PKD2L2: variants seen among roughly 807,000 people sequenced by gnomAD.
PKD2L2 encodes the protein polycystin 2 like 2, transient receptor potential cation channel.
A neutral mutation model predicts 83.9 loss-of-function variants in PKD2L2; 67 were observed. The ratio of observed to expected loss-of-function variants is 0.80; its 90% CI spans 0.66 to 0.98. The LOEUF (loss-of-function observed/expected upper bound fraction) is 0.98, where lower values mean the gene tolerates loss of function less well. Among genes scored for constraint, PKD2L2 ranks in the 50% least tolerant of loss-of-function variants. The pLI, the probability that PKD2L2 is intolerant of heterozygous loss-of-function variation, is 0.00. For synonymous variants in PKD2L2, 223 were observed against 237.8 expected, an observed-to-expected ratio of 0.94 and a Z score of 0.57; for missense variants, 632 against 717.2, an observed-to-expected ratio of 0.88 and a Z score of 1.36.
rs189713760 is a variant in PKD2L2, at chr5:137,908,362, C to T, written c.1147-403C>T. ...CAGCATTTTGGGAGGCTGAGGTGGG[C>T]GGATCACCTGAGCTCAGGAGATTGA... On this transcript the variant is annotated intron_variant, in intron 7 of 14. Coordinates refer to ENST00000508883, the MANE Select transcript of PKD2L2 (RefSeq NM_001300921.2). Among the ~76,000 whole-genome samples the T allele has an allele frequency of 1.2e-3, 189 of 151,830 alleles. 4 individuals are homozygous for T. Among genetic ancestry groups the T allele is most frequent in the Middle Eastern group, 0.01 (3 of 294 alleles).
At chr5:137,900,298 A>C (rs1756843249) in intron 5 of PKD2L2, among the ~76,000 whole-genome samples, 2 of 152,166 alleles carry the variant, frequency 1.3e-5, no homozygotes, top group Admixed American at 6.5e-5. Context: ...TCTCTCCAGT[A>C]AATTGTGTAT....
chr5:137,890,551 C>G lies in PKD2L2; in HGVS notation c.102C>G (p.Leu34=), dbSNP rs1561670491. 1 of 1,540,884 alleles carries G rather than the reference C, an allele frequency of 6.5e-7. No individual in the cohort carries two copies. The highest frequency in any genetic ancestry group is 8.9e-7 in the Non-Finnish European group (1 of 1,126,586). ...CAACCACACTTCAGGAATTGTTACT[C>G]TACTTTATTTTTTTAATAAACCTAT... The part of the protein sequence containing the change: ...EITTTLQELL[L]YFIFLINLCI... Residue 34 remains leucine, a synonymous_variant, in exon 2 of 15, where the codon CTC becomes CTG. Transcript: ENST00000508883.
chr5:137,935,972 T>C, intron 13 of PKD2L2, 63 bp downstream of exon 13: 1 of 900,140 alleles, frequency 1.1e-6, no homozygotes, highest in Non-Finnish European at 1.8e-6. Flanking sequence ...AGGACATGAG[T>C]TAAACACATT....
chr5:137,923,924 GT>G (rs1759150089), intron 10 of PKD2L2, among the ~76,000 whole-genome samples: 2 of 152,026 alleles, frequency 1.3e-5, no homozygotes, highest in African/African-American at 4.8e-5. Context: ...TCATTTTCCT[GT>G]TTCTGTTCAT....
At chr5:137,893,256 A>C (rs1326992721) in intron 3 of PKD2L2, among the ~76,000 whole-genome samples, 1 of 152,150 alleles carries the variant, frequency 6.6e-6, no homozygotes, top group African/African-American at 2.4e-5. Context: ...TTTACTGTTT[A>C]TATGTGTTAC....
intron 2 of PKD2L2, among the ~76,000 whole-genome samples, chr5:137,891,275 G>A (rs1755957688): frequency 6.6e-6 from 1 of 152,140 alleles, no homozygotes; most frequent in Admixed American, 6.5e-5. Context: ...TGTTGTAGGG[G>A]TGAGTTTGAG....
intron 14 of PKD2L2, chr5:137,938,920 AC>A (rs1760888366): frequency 6.6e-6 from 1 of 152,162 alleles, no homozygotes; most frequent in African/African-American, 2.4e-5. Flanking sequence ...CCAAAAAAGC[AC>A]CAGAAAAAAA....
chr5:137,902,539 T>C (rs1757049868), intron 5 of PKD2L2, among the ~76,000 whole-genome samples: 1 of 152,188 alleles, frequency 6.6e-6, no homozygotes, highest in South Asian at 2.1e-4. Flanking sequence ...CTATGATTTT[T>C]TTTTAGTCTG....
At position 137,925,599 on chromosome 5, in the gene PKD2L2, T is replaced by C. The variant is rs1759314474; in HGVS notation, c.1617-276T>C. ...ACACAATACTTACGGACAATACTTA[T>C]ACTTACACTGTATTTACACTTGTAT... On this transcript the variant is annotated intron_variant, in intron 11 of 14. Coordinates refer to ENST00000508883, the MANE Select transcript of PKD2L2 (RefSeq NM_001300921.2). 2.0e-5 allele frequency among the ~76,000 whole-genome samples: 3 copies of C among 152,240 alleles called. No homozygotes were observed. The South Asian group carries it at 6.2e-4, about 31-fold the overall frequency.
At chr5:137,935,547 G>A (rs1445741151) in intron 12 of PKD2L2, among the ~76,000 whole-genome samples, 2 of 152,218 alleles carry the variant, frequency 1.3e-5, no homozygotes, top group East Asian at 3.8e-4. Flanking sequence ...GCAGTGAAAT[G>A]TAATTTATAA....
intron 5 of PKD2L2, among the ~76,000 whole-genome samples, chr5:137,905,970 T>C (rs1757329892): frequency 6.6e-6 from 1 of 152,188 alleles, no homozygotes; most frequent in Admixed American, 6.5e-5. Flanking sequence ...TGCTTTCTCA[T>C]TTACATTGGT....
intron 8 of PKD2L2, among the ~76,000 whole-genome samples, chr5:137,912,587 G>A (rs1580937024): frequency 5.3e-5 from 8 of 151,836 alleles, no homozygotes; most frequent in African/African-American, 9.7e-5. Flanking sequence ...GGCTGGTCTC[G>A]AACTCCTGAC....
chr5:137,916,500 G>A lies in PKD2L2; in HGVS notation c.1329-5136G>A, dbSNP rs772796709. 4.0e-3 allele frequency among the ~76,000 whole-genome samples: 353 copies of A among 88,008 alleles called. 2 individuals are homozygous for A. Among genetic ancestry groups the A allele is most frequent in the Non-Finnish European group, 6.2e-3 (282 of 45,774 alleles). 57.7% of individuals were successfully genotyped at this position (88,008 alleles called of 152,430 possible). ...CTTTTTTTTTTTTTTTTTTTTTTGA[G>A]ACAGAGTATTGCGCTTTCACTCAGG... On this transcript the variant is annotated intron_variant, in intron 8 of 14. Transcript: ENST00000508883.
At chr5:137,919,408 G>C (rs747535013) in intron 8 of PKD2L2, among the ~76,000 whole-genome samples, 1 of 152,106 alleles carries the variant, frequency 6.6e-6, no homozygotes, top group Non-Finnish European at 1.5e-5. Context: ...CCCTATTACA[G>C]AGCAGAAGTA....
chr5:137,919,047 C>T (rs1758652428), intron 8 of PKD2L2, among the ~76,000 whole-genome samples: 1 of 152,016 alleles, frequency 6.6e-6, no homozygotes, highest in Admixed American at 6.6e-5. Context: ...AATTGCTACA[C>T]CCTCAAGTTA....
chr5:137,891,910 TC>T (rs1310100113), intron 2 of PKD2L2, among the ~76,000 whole-genome samples: 1 of 152,154 alleles, frequency 6.6e-6, no homozygotes, highest in Non-Finnish European at 1.5e-5. Flanking sequence ...GGTCTCGAAC[TC>T]CTGATCTCAG....
chr5:137,925,854 T>C, intron 11 of PKD2L2, 21 bp from the exon 12 acceptor site: 2 of 1,553,468 alleles, frequency 1.3e-6, no homozygotes, highest in Non-Finnish European at 1.8e-6. Context: ...GCCTCTGACT[T>C]TTATTTTATA....
chr5:137,895,141 C>G (rs1451548188), intron 4 of PKD2L2, among the ~76,000 whole-genome samples: 2 of 152,084 alleles, frequency 1.3e-5, no homozygotes. Flanking sequence ...GTGACTGAGG[C>G]TAGTGCTGGT....
chr5:137,906,438 AGTAT>A lies in PKD2L2; in HGVS notation c.975+5_975+8del. The stretch of plus-strand genomic sequence containing the variant: ...GCTAGAATTGCTACTTTTGCTGGTG[AGTAT>A]ATATTCATGTGTATGGTTGAAGGGG... On this transcript the variant is annotated splice_donor_5th_base_variant and intron_variant, in intron 6 of 14. Transcript: ENST00000508883. 1 of 1,484,328 alleles carries A rather than the reference AGTAT, an allele frequency of 6.7e-7. No individual in the cohort carries two copies. The highest frequency in any genetic ancestry group is 9.4e-7 in the Non-Finnish European group (1 of 1,066,968). 91.9% of individuals were successfully genotyped at this position (1,484,328 alleles called of 1,614,324 possible). A position where few individuals can be genotyped will look rare whatever the true frequency, so the allele number is the denominator to read the frequency against.
Sources: allele counts gnomAD v4.1 joint callset (sites outside exome capture counted in the v4.1 genomes callset), GRCh38; gene constraint gnomAD v4.1.1; transcripts MANE v1.5; gene names NCBI Gene and HGNC (gene_info 2026-07-23, HGNC 2026-07-21).